The following TMEM163 variants were observed in gnomAD, a reference collection of about 807,000 sequenced individuals.
TMEM163 encodes transmembrane protein 163.
A neutral mutation model predicts 29.3 loss-of-function variants in TMEM163; 17 were observed. The ratio of observed to expected loss-of-function variants is 0.58; its 90% CI spans 0.40 to 0.87. TMEM163 has a LOEUF of 0.87. TMEM163 is among the 40% of genes least tolerant of loss of function. The probability of loss-of-function intolerance (pLI) is 0.00; values close to 1 mark genes in which losing one functional copy is unlikely to be tolerated. For synonymous variants in TMEM163, 157 were observed against 160.6 expected, an observed-to-expected ratio of 0.98 and a Z score of 0.17; for missense variants, 303 against 381.5, an observed-to-expected ratio of 0.79 and a Z score of 1.71.
intron 2 of TMEM163, among the ~76,000 whole-genome samples, chr2:134,696,027 G>A (rs1421415629): frequency 1.3e-5 from 2 of 149,270 alleles, no homozygotes; most frequent in South Asian, 2.1e-4. Context: ...CTCCAGCCTG[G>A]GCAACAAGAG....
At chr2:134,570,463 C>CAT (rs35018528) in intron 2 of TMEM163, among the ~76,000 whole-genome samples, 3 of 139,914 alleles carry the variant, frequency 2.1e-5, no homozygotes, top group Non-Finnish European at 3.1e-5. Context: ...GGTACTACTA[C>CAT]ATATATATAT....
chr2:134,665,811 C>T (rs1457015076), intron 2 of TMEM163, among the ~76,000 whole-genome samples: 1 of 152,190 alleles, frequency 6.6e-6, no homozygotes, highest in Non-Finnish European at 1.5e-5. Context: ...AGGTATAACA[C>T]CACCAGCCTC....
intron 2 of TMEM163, among the ~76,000 whole-genome samples, chr2:134,596,396 C>T (rs1426463532): frequency 6.6e-6 from 1 of 152,120 alleles, no homozygotes; most frequent in Non-Finnish European, 1.5e-5. Context: ...TTGTTTTTGT[C>T]AGGTTTGTCA....
At chr2:134,487,043 T>TG (rs1447477582) in intron 5 of TMEM163, among the ~76,000 whole-genome samples, 1 of 152,156 alleles carries the variant, frequency 6.6e-6, no homozygotes, top group Non-Finnish European at 1.5e-5. Flanking sequence ...AAACCACTTT[T>TG]GGTAATGAAA....
chr2:134,573,760 T>C (rs141846608), intron 2 of TMEM163, among the ~76,000 whole-genome samples: 169 of 152,368 alleles, frequency 1.1e-3, no homozygotes, highest in African/African-American at 3.9e-3. Context: ...AATTTTAGAC[T>C]GAATTTTAGT....
At chr2:134,521,205 G>A (rs549764252) in intron 4 of TMEM163, among the ~76,000 whole-genome samples, 54 of 152,202 alleles carry the variant, frequency 3.5e-4, no homozygotes, top group African/African-American at 1.2e-3. Context: ...CACCGAGTTA[G>A]CCAGGATGAT....
chr2:134,522,117 G>T (rs764677237), intron 4 of TMEM163, among the ~76,000 whole-genome samples: 5 of 151,690 alleles, frequency 3.3e-5, no homozygotes, highest in Admixed American at 1.3e-4. Context: ...AATTTCTAGC[G>T]GGGGTGGGCT....
At chr2:134,537,248 A>G (rs1257576459) in intron 4 of TMEM163, among the ~76,000 whole-genome samples, 1 of 152,236 alleles carries the variant, frequency 6.6e-6, no homozygotes, top group Non-Finnish European at 1.5e-5. Flanking sequence ...AAGAAACCAC[A>G]TGGACACTGT....
chr2:134,614,673 G>C (rs1396236052), intron 2 of TMEM163, among the ~76,000 whole-genome samples: 2 of 152,100 alleles, frequency 1.3e-5, no homozygotes, highest in African/African-American at 4.8e-5. Flanking sequence ...GGCCAACATG[G>C]TGAAACCCCA....
intron 4 of TMEM163, among the ~76,000 whole-genome samples, chr2:134,515,583 T>G (rs1680040124): frequency 6.6e-6 from 1 of 152,228 alleles, no homozygotes; most frequent in Admixed American, 6.5e-5. Context: ...ACAGTAGTGT[T>G]ATTTATATTT....
chr2:134,575,727 A>G (rs6754175), intron 2 of TMEM163, among the ~76,000 whole-genome samples: 24,259 of 152,206 alleles, frequency 0.16, 4,666 homozygotes, highest in African/African-American at 0.46. Flanking sequence ...ATCTGGTTTC[A>G]TGGAGAGAGA....
chr2:134,577,086 A>C (rs889671151), intron 2 of TMEM163, among the ~76,000 whole-genome samples: 1 of 152,170 alleles, frequency 6.6e-6, no homozygotes, highest in Non-Finnish European at 1.5e-5. Flanking sequence ...TGAGGCTGAG[A>C]CCAGCACAAA....
At chr2:134,575,842 C>G (rs1003982455) in intron 2 of TMEM163, among the ~76,000 whole-genome samples, 1 of 151,832 alleles carries the variant, frequency 6.6e-6, no homozygotes, top group African/African-American at 2.4e-5. Context: ...TAAGTCAAAA[C>G]GAGGCATGTC....
chr2:134,564,489 TA>T (rs1394484338), intron 2 of TMEM163, among the ~76,000 whole-genome samples: 1 of 152,186 alleles, frequency 6.6e-6, no homozygotes, highest in Non-Finnish European at 1.5e-5. Flanking sequence ...TTTTTTAAAC[TA>T]GACATAAATG....
intron 2 of TMEM163, among the ~76,000 whole-genome samples, chr2:134,629,234 T>C (rs935566460): frequency 5.5e-4 from 84 of 152,208 alleles, no homozygotes; most frequent in African/African-American, 2.0e-3. Flanking sequence ...AACCAGACTG[T>C]CTTGTCTCAG....
chr2:134,493,362 CTTTTTTTTTTTTTT>C (rs1159013721), intron 5 of TMEM163, among the ~76,000 whole-genome samples: 3 of 49,828 alleles, frequency 6.0e-5, no homozygotes, highest in East Asian at 6.0e-4. Flanking sequence ...CTTTTGGTGT[CTTTTTTTTTTTTTT>C]TTTTTTTTTT....
At chr2:134,539,677 T>C (rs1680620879) in intron 4 of TMEM163, among the ~76,000 whole-genome samples, 1 of 152,218 alleles carries the variant, frequency 6.6e-6, no homozygotes, top group Non-Finnish European at 1.5e-5. Flanking sequence ...TGATTTGTAG[T>C]CAATGGCAGG....
At chr2:134,675,870 A>C (rs900972518) in intron 2 of TMEM163, among the ~76,000 whole-genome samples, 5 of 152,282 alleles carry the variant, frequency 3.3e-5, no homozygotes, top group Admixed American at 3.3e-4. Context: ...TAACTCCCCC[A>C]AAACAGGAGG....
intron 2 of TMEM163, among the ~76,000 whole-genome samples, chr2:134,667,868 A>G (rs989216502): frequency 6.6e-6 from 1 of 152,204 alleles, no homozygotes; most frequent in Non-Finnish European, 1.5e-5. Flanking sequence ...ATCCACCAAT[A>G]TCACCTAGAC....
Sources: allele counts gnomAD v4.1 joint callset (sites outside exome capture counted in the v4.1 genomes callset), GRCh38; gene constraint gnomAD v4.1.1; transcripts MANE v1.5; gene names NCBI Gene and HGNC (gene_info 2026-07-23, HGNC 2026-07-21).